NLGN1: variants seen among roughly 807,000 people sequenced by gnomAD.
NLGN1 encodes neuroligin-1.
A neutral mutation model predicts 65.5 loss-of-function variants in NLGN1; 12 were observed. The ratio of observed to expected loss-of-function variants is 0.18; its 90% CI spans 0.12 to 0.30. The LOEUF is 0.30. NLGN1 is among the 10% of genes least tolerant of loss of function. NLGN1 has a pLI of 1.00. For synonymous variants in NLGN1, 350 were observed against 359.5 expected, an observed-to-expected ratio of 0.97 and a Z score of 0.30; for missense variants, 750 against 1,007.1, an observed-to-expected ratio of 0.74 and a Z score of 3.46.
chr3:173,852,222 A>G (rs577108001), intron 4 of NLGN1, among the ~76,000 whole-genome samples: 89 of 148,580 alleles, frequency 6.0e-4, no homozygotes, highest in East Asian at 4.1e-3. Context: ...CGGGCGTGGT[A>G]GCGGGCGCCT....
At chr3:174,088,793 TAAATAAATAAATAAAA>T (rs1409099068) in intron 4 of NLGN1, among the ~76,000 whole-genome samples, 4 of 149,978 alleles carry the variant, frequency 2.7e-5, no homozygotes, top group African/African-American at 9.8e-5. Context: ...AATAAATAAA[TAAATAAATAAATAAAA>T]CTAGATTATT....
intron 3 of NLGN1, among the ~76,000 whole-genome samples, chr3:173,756,449 T>C (rs1346235948): frequency 6.6e-6 from 1 of 151,924 alleles, no homozygotes; most frequent in Non-Finnish European, 1.5e-5. Context: ...TTAAACCTTT[T>C]CAGGGTAGAG....
chr3:174,071,590 C>T (rs1739882409), intron 4 of NLGN1, among the ~76,000 whole-genome samples: 1 of 151,832 alleles, frequency 6.6e-6, no homozygotes, highest in Non-Finnish European at 1.5e-5. Context: ...CCAGTAGGCC[C>T]AACCACTTGG....
intron 4 of NLGN1, among the ~76,000 whole-genome samples, chr3:174,040,833 A>T (rs1484350709): frequency 3.9e-5 from 6 of 152,230 alleles, no homozygotes; most frequent in Non-Finnish European, 7.4e-5. Context: ...TTAACATTTT[A>T]TTATTCTTGT....
intron 4 of NLGN1, among the ~76,000 whole-genome samples, chr3:173,946,328 A>ATG (rs1435864061): frequency 6.6e-6 from 1 of 151,890 alleles, no homozygotes; most frequent in African/African-American, 2.4e-5. Flanking sequence ...GTGTGTGTGT[A>ATG]TGTGTGTGTG....
At chr3:173,564,429 A>C (rs763392492) in intron 2 of NLGN1, among the ~76,000 whole-genome samples, 12 of 152,258 alleles carry the variant, frequency 7.9e-5, no homozygotes, top group Non-Finnish European at 1.6e-4. Flanking sequence ...GTAAAACATT[A>C]TGAGTCCTCA....
chr3:173,772,174 A>G (rs1285697855), intron 3 of NLGN1, among the ~76,000 whole-genome samples: 1 of 152,130 alleles, frequency 6.6e-6, no homozygotes, highest in Non-Finnish European at 1.5e-5. Context: ...TTAATCAAAG[A>G]TTTGACTAAT....
intron 2 of NLGN1, among the ~76,000 whole-genome samples, chr3:173,560,666 A>G (rs972538433): frequency 2.0e-5 from 3 of 152,212 alleles, no homozygotes; most frequent in African/African-American, 7.2e-5. Flanking sequence ...AAATTTGCAG[A>G]AAGTTTTAGT....
chr3:173,994,575 G>A (rs1439002104), intron 4 of NLGN1, among the ~76,000 whole-genome samples: 1 of 150,272 alleles, frequency 6.7e-6, no homozygotes, highest in African/African-American at 2.5e-5. Flanking sequence ...ACATCTGATG[G>A]CAAAATTTTA....
chr3:173,539,735 C>CACAT (rs1738355265), intron 2 of NLGN1, among the ~76,000 whole-genome samples: 3 of 126,364 alleles, frequency 2.4e-5, no homozygotes, highest in African/African-American at 1.0e-4. Flanking sequence ...CACATATATA[C>CACAT]ATATATGTAC....
chr3:173,950,888 A>C (rs894153806), intron 4 of NLGN1, among the ~76,000 whole-genome samples: 2 of 151,970 alleles, frequency 1.3e-5, no homozygotes, highest in African/African-American at 4.8e-5. Flanking sequence ...TTTATTTGAG[A>C]TGGACTCTTG....
chr3:173,962,083 G>A (rs1233265191), intron 4 of NLGN1, among the ~76,000 whole-genome samples: 1 of 152,064 alleles, frequency 6.6e-6, no homozygotes, highest in African/African-American at 2.4e-5. Context: ...TGAGAAGAGA[G>A]TTAAAAAAAT....
intron 4 of NLGN1, among the ~76,000 whole-genome samples, chr3:174,253,133 T>G (rs2152845033): frequency 6.6e-6 from 1 of 152,282 alleles, no homozygotes; most frequent in Admixed American, 6.5e-5. Context: ...AATTAGCAAA[T>G]GTTTTAAAAT....
At chr3:174,186,821 G>C (rs1206840256) in intron 4 of NLGN1, among the ~76,000 whole-genome samples, 1 of 151,898 alleles carries the variant, frequency 6.6e-6, no homozygotes, top group Non-Finnish European at 1.5e-5. Context: ...GCATGAACCT[G>C]ACCTCCAAGA....
At chr3:174,293,083 A>G in the NLGN1 span, among the ~76,000 whole-genome samples, 74 of 151,726 alleles carry the variant, frequency 4.9e-4, no homozygotes, top group African/African-American at 1.7e-3. Context: ...ACTTACAAAT[A>G]CTTTTTAAAA....
intron 2 of NLGN1, among the ~76,000 whole-genome samples, chr3:173,507,882 C>A (rs1054481832): frequency 4.6e-5 from 7 of 152,132 alleles, no homozygotes; most frequent in South Asian, 4.1e-4. Flanking sequence ...CTTTGTTAAA[C>A]ATGCAGTTTT....
chr3:173,467,794 C>T (rs1724627805), intron 2 of NLGN1, among the ~76,000 whole-genome samples: 1 of 152,084 alleles, frequency 6.6e-6, no homozygotes, highest in Non-Finnish European at 1.5e-5. Flanking sequence ...GTCAATGAGT[C>T]CATGCAGTCC....
intron 2 of NLGN1, among the ~76,000 whole-genome samples, chr3:173,484,374 T>G (rs578820): frequency 0.1 from 15,729 of 152,146 alleles, 917 homozygotes; most frequent in Admixed American, 0.18. Flanking sequence ...GGATTTGTTA[T>G]AAATTCTCTT....
chr3:174,244,979 A>C (rs898285113), intron 4 of NLGN1, among the ~76,000 whole-genome samples: 7 of 152,148 alleles, frequency 4.6e-5, no homozygotes, highest in Non-Finnish European at 7.4e-5. Flanking sequence ...TTTTCCCTTA[A>C]CTGGGATTAT....
Sources: gnomAD v4.1 joint callset for allele counts (sites outside exome capture counted in the v4.1 genomes callset) on GRCh38, gnomAD v4.1.1 for gene constraint, MANE v1.5 for transcripts, NCBI Gene and HGNC (gene_info 2026-07-23, HGNC 2026-07-21) for gene names.